The following SP140 variants were observed in gnomAD, a reference collection of about 807,000 sequenced individuals.
SP140 encodes SP140 nuclear body protein.
SP140 carries 81 observed loss-of-function variants against 125.0 expected under a neutral mutation model. The observed-to-expected ratio is 0.65, with a 90% CI of 0.54 to 0.78. SP140 has a LOEUF of 0.78. SP140 is among the 30% of genes least tolerant of loss of function. The pLI is 0.00. For synonymous variants in SP140, 312 were observed against 354.0 expected, an observed-to-expected ratio of 0.88 and a Z score of 1.33; for missense variants, 858 against 1,037.0, an observed-to-expected ratio of 0.83 and a Z score of 2.37.
chr2:230,220,411 C>A (rs1307270959), intron 3 of SP140, among the ~76,000 whole-genome samples: 2 of 151,986 alleles, frequency 1.3e-5, no homozygotes, highest in Non-Finnish European at 2.9e-5. Flanking sequence ...TCTAACAACA[C>A]ACAAAAAAAC....
chr2:230,190,697 A>C, the SP140 span, among the ~76,000 whole-genome samples: 484 of 152,210 alleles, frequency 3.2e-3, 6 homozygotes, highest in Non-Finnish European at 5.7e-3. Flanking sequence ...TGGGTTTTAC[A>C]TTTAAGTCTT....
At chr2:230,265,097 C>G (rs1324504196) in intron 12 of SP140, among the ~76,000 whole-genome samples, 1 of 151,892 alleles carries the variant, frequency 6.6e-6, no homozygotes, top group Non-Finnish European at 1.5e-5. Flanking sequence ...GGGGGAGGGG[C>G]TAGGCATGTC....
intron 1 of SP140, chr2:230,208,005 T>G: frequency 6.4e-7 from 1 of 1,559,058 alleles, no homozygotes. Flanking sequence ...TGGGAGGCTT[T>G]TTTTCTTATG....
upstream of SP140, among the ~76,000 whole-genome samples, chr2:230,224,687 A>G (rs938570588): frequency 3.3e-5 from 5 of 152,168 alleles, no homozygotes; most frequent in Admixed American, 3.3e-4. Context: ...TATGTATGCA[A>G]ATTTCCTTGC....
At chr2:230,298,957 C>T (rs549857298) in intron 22 of SP140, among the ~76,000 whole-genome samples, 1 of 152,330 alleles carries the variant, frequency 6.6e-6, no homozygotes, top group African/African-American at 2.4e-5. Flanking sequence ...GGGTTCAGGA[C>T]ATTAGCATTT....
chr2:230,255,997 AT>A (rs1275763012), intron 12 of SP140, among the ~76,000 whole-genome samples: 2 of 152,130 alleles, frequency 1.3e-5, no homozygotes, highest in Non-Finnish European at 2.9e-5. Context: ...TTTTGCCTTT[AT>A]TTTTTCTAGC....
chr2:230,307,974 TATATATATATATATATACAC>T (rs1559374201), intron 22 of SP140, among the ~76,000 whole-genome samples: 1 of 88,804 alleles, frequency 1.1e-5, no homozygotes, highest in Non-Finnish European at 2.5e-5. Flanking sequence ...TATATATATA[TATATATATATATATATACAC>T]ACACACACAC....
intron 3 of SP140, among the ~76,000 whole-genome samples, chr2:230,220,723 G>A (rs889891670): frequency 1.3e-5 from 2 of 152,142 alleles, no homozygotes; most frequent in Non-Finnish European, 2.9e-5. Flanking sequence ...TAAACTATTG[G>A]CCAGGCACAG....
At chr2:230,196,534 TC>T in the SP140 span, among the ~76,000 whole-genome samples, 33,054 of 151,460 alleles carry the variant, frequency 0.22, 4,412 homozygotes, top group East Asian at 0.57. Context: ...TTTATAATTT[TC>T]TTTTTTTTAA....
chr2:230,206,557 T>C (rs1211146726), intron 1 of SP140, among the ~76,000 whole-genome samples: 1 of 139,686 alleles, frequency 7.2e-6, no homozygotes, highest in Non-Finnish European at 1.5e-5. Context: ...TATATACATA[T>C]ATCTGGTCCA....
At chr2:230,251,865 A>T (rs1190556693) in intron 10 of SP140, among the ~76,000 whole-genome samples, 2 of 152,138 alleles carry the variant, frequency 1.3e-5, no homozygotes, top group African/African-American at 4.8e-5. Flanking sequence ...GAGGAGCCAG[A>T]AACACAGACG....
At chr2:230,264,913 G>A (rs1276918402) in intron 12 of SP140, among the ~76,000 whole-genome samples, 8 of 152,130 alleles carry the variant, frequency 5.3e-5, no homozygotes, top group African/African-American at 1.7e-4. Context: ...GTCCTTTGGT[G>A]GTTTAATGTT....
At chr2:230,221,812 A>G (rs1426915569), upstream of SP140, 3 of 1,235,414 alleles carry the variant, frequency 2.4e-6, no homozygotes, top group African/African-American at 3.0e-5. Flanking sequence ...AGGCAAATGC[A>G]AAACAAACAA....
chr2:230,257,111 G>A (rs2051345924), intron 12 of SP140, among the ~76,000 whole-genome samples: 1 of 152,116 alleles, frequency 6.6e-6, no homozygotes. Context: ...TTGGGGTGGG[G>A]TCTCATAGTC....
intron 4 of SP140, among the ~76,000 whole-genome samples, chr2:230,243,237 C>T (rs1559237913): frequency 6.6e-6 from 1 of 152,148 alleles, no homozygotes; most frequent in South Asian, 2.1e-4. Context: ...CTCCATTTAC[C>T]CTTCTCCAAT....
At chr2:230,220,020 G>C (rs1364491529) in intron 3 of SP140, 1 of 985,492 alleles carries the variant, frequency 1.0e-6, no homozygotes, top group Non-Finnish European at 1.2e-6. Flanking sequence ...GGGCTTCCGA[G>C]AAAAGAAAAG....
At position 230,238,388 on chromosome 2, in the gene SP140, A is replaced by G. The variant is rs1004746026; in HGVS notation, c.406+7A>G. ...TACAGAAGCTTCCAGAATGGTAACT[A>G]TAGCTCTCAACAGCTTTGGGGGATT... On this transcript the variant is annotated splice_region_variant and intron_variant, in intron 3 of 26. Transcript: ENST00000392045. The G allele has an allele frequency of 2.5e-6, 4 of 1,607,330 alleles. No individual in the cohort carries two copies. The highest frequency in any genetic ancestry group is 2.5e-6 in the Non-Finnish European group (3 of 1,178,126).
At chr2:230,220,141 G>A in intron 3 of SP140, 5 of 935,744 alleles carry the variant, frequency 5.3e-6, no homozygotes, top group Non-Finnish European at 6.4e-6. Context: ...CTTGGCAGTT[G>A]GGGTTTGGGG....
chr2:230,186,523 A>G, the SP140 span, among the ~76,000 whole-genome samples: 1 of 152,184 alleles, frequency 6.6e-6, no homozygotes, highest in East Asian at 1.9e-4. Context: ...TTTTTATTTC[A>G]ATAGCTTTTG....
Sources: allele counts gnomAD v4.1 joint callset (sites outside exome capture counted in the v4.1 genomes callset), GRCh38; gene constraint gnomAD v4.1.1; transcripts MANE v1.5; gene names NCBI Gene and HGNC (gene_info 2026-07-23, HGNC 2026-07-21).